Variants in FGF12 observed in about 807,000 individuals in gnomAD.
FGF12 encodes fibroblast growth factor 12, also known as fibroblast growth factor 12B.
A neutral mutation model predicts 23.6 loss-of-function variants in FGF12; 14 were observed. The observed-to-expected ratio is 0.59, with a 90% CI of 0.39 to 0.93. The LOEUF (loss-of-function observed/expected upper bound fraction) is 0.93. Ranked by LOEUF, FGF12 falls within the 40% of genes least tolerant of loss-of-function variation. The probability of loss-of-function intolerance (pLI) is 0.00; values close to 1 mark genes in which losing one functional copy is unlikely to be tolerated. For missense variants in FGF12, 175 were observed against 217.8 expected (o/e 0.80, Z 1.24); for synonymous variants, 62 against 77.3 (o/e 0.80, Z 1.04).
intron 2 of FGF12, among the ~76,000 whole-genome samples, chr3:192,500,344 A>C (rs1036483814): frequency 2.0e-5 from 3 of 152,216 alleles, no homozygotes; most frequent in African/African-American, 7.2e-5. Flanking sequence ...ACAAGAGTGC[A>C]CCTATTTACA....
At chr3:192,387,151 G>A (rs1277483055) in intron 2 of FGF12, among the ~76,000 whole-genome samples, 5 of 152,154 alleles carry the variant, frequency 3.3e-5, no homozygotes, top group South Asian at 2.1e-4. Context: ...ATCAGATCCC[G>A]TTACTATCAG....
At chr3:192,600,837 A>G (rs1188269157) in intron 2 of FGF12, among the ~76,000 whole-genome samples, 2 of 152,110 alleles carry the variant, frequency 1.3e-5, no homozygotes, top group Non-Finnish European at 2.9e-5. Context: ...TTACTCTTAT[A>G]TGCTGTTGAT....
At chr3:192,377,190 C>T (rs1719555499) in intron 2 of FGF12, among the ~76,000 whole-genome samples, 2 of 152,118 alleles carry the variant, frequency 1.3e-5, no homozygotes, top group Admixed American at 1.3e-4. Flanking sequence ...TCTAGATCAC[C>T]ATCTCTCAGA....
chr3:192,300,607 T>C (rs1201300184), intron 4 of FGF12, among the ~76,000 whole-genome samples: 13 of 151,620 alleles, frequency 8.6e-5, no homozygotes, highest in African/African-American at 2.9e-4. Flanking sequence ...AATAATTCAT[T>C]TTCTTTATAA....
rs1025213817 is a variant in FGF12, at chr3:192,633,489, C to T, written c.13+93692G>A. Among the ~76,000 whole-genome samples the T allele has an allele frequency of 3.9e-5, 6 of 152,166 alleles. No homozygotes were observed. The East Asian group carries it at 1.2e-3, about 29-fold the overall frequency. On this transcript the variant is annotated intron_variant, in intron 2 of 5. Transcript: ENST00000445105. Reference sequence around the variant, plus strand: ...TTTGGGAAAACACGATTCATCACTACGGAAGAGTTAAAAGATTCCCCCAAA... The same window carrying T: ...TTTGGGAAAACACGATTCATCACTATGGAAGAGTTAAAAGATTCCCCCAAA...
At chr3:192,585,228 C>A (rs1407331468) in intron 2 of FGF12, among the ~76,000 whole-genome samples, 1 of 152,196 alleles carries the variant, frequency 6.6e-6, no homozygotes, top group East Asian at 1.9e-4. Context: ...GGACACTGTG[C>A]TTCCTGCCTG....
Position 192,378,026 on chromosome 3 carries a change from T to TTTCTCTCTCTTTC in FGF12, c.14-17489_14-17488insGAAAGAGAGAGAA, listed in dbSNP as rs1553804997. On this transcript the variant is annotated intron_variant, in intron 2 of 5. Transcript: ENST00000445105. ...GAGATCCCTTTCTTCTGACTCTTTC[T>TTTCTCTCTCTTTC]TTTCTTTCTTTCTTTCTTTCTTTCT... is the stretch of plus-strand genomic sequence containing the variant. 6.2e-4 allele frequency among the ~76,000 whole-genome samples: 43 copies of TTTCTCTCTCTTTC among 69,444 alleles called. 4 individuals carry two copies. The highest frequency in any genetic ancestry group is 1.3e-3 in the African/African-American group (17 of 13,550). 45.6% of individuals were successfully genotyped at this position (69,444 alleles called of 152,430 possible).
chr3:192,174,558 T>C (rs921494107), intron 4 of FGF12, among the ~76,000 whole-genome samples: 1 of 152,168 alleles, frequency 6.6e-6, no homozygotes, highest in African/African-American at 2.4e-5. Context: ...CAGGCTACCC[T>C]ATAAACTGGA....
chr3:192,185,470 T>C (rs548570036), intron 4 of FGF12, among the ~76,000 whole-genome samples: 1 of 152,336 alleles, frequency 6.6e-6, no homozygotes, highest in Admixed American at 6.5e-5. Context: ...CAGTAGACTT[T>C]CTACAAATCA....
intron 2 of FGF12, among the ~76,000 whole-genome samples, chr3:192,714,026 G>A (rs565450830): frequency 9.8e-5 from 15 of 152,304 alleles, no homozygotes; most frequent in Admixed American, 9.1e-4. Flanking sequence ...TTTCGTACCA[G>A]AGCAGTTCTG....
chr3:192,560,733 A>G (rs1018729936), intron 2 of FGF12, among the ~76,000 whole-genome samples: 2 of 152,174 alleles, frequency 1.3e-5, no homozygotes, highest in South Asian at 2.1e-4. Flanking sequence ...CTGCTGAACT[A>G]TATATTAAAT....
At chr3:192,208,210 T>C (rs1560192770) in intron 4 of FGF12, among the ~76,000 whole-genome samples, 2 of 152,244 alleles carry the variant, frequency 1.3e-5, no homozygotes, top group African/African-American at 4.8e-5. Flanking sequence ...AAAAGGAAAT[T>C]TGATTTATAA....
At chr3:192,403,662 A>C (rs907955811) in intron 2 of FGF12, among the ~76,000 whole-genome samples, 5 of 152,132 alleles carry the variant, frequency 3.3e-5, no homozygotes, top group Admixed American at 1.3e-4. Flanking sequence ...CTTCCTATAA[A>C]TGTAAAATAT....
chr3:192,645,093 C>T (rs1715952964), intron 2 of FGF12, among the ~76,000 whole-genome samples: 1 of 152,124 alleles, frequency 6.6e-6, no homozygotes, highest in South Asian at 2.1e-4. Context: ...TGGAACATGG[C>T]TCCTGCTGAA....
At chr3:192,625,088 A>ACTTAGGTTGTGTCTAATCTTTTG (rs1715114208) in intron 2 of FGF12, among the ~76,000 whole-genome samples, 1 of 152,072 alleles carries the variant, frequency 6.6e-6, no homozygotes, top group Admixed American at 6.6e-5. Context: ...TTTAGTTAGT[A>ACTTAGGTTGTGTCTAATCTTTTG]CTTAGGTTGT....
intron 2 of FGF12, among the ~76,000 whole-genome samples, chr3:192,693,019 T>G (rs1717996431): frequency 6.6e-6 from 1 of 152,046 alleles, no homozygotes; most frequent in East Asian, 1.9e-4. Flanking sequence ...CTATCCTATT[T>G]GCAGGTGACA....
intron 2 of FGF12, among the ~76,000 whole-genome samples, chr3:192,618,247 T>TAAA (rs78960252): frequency 8.0e-6 from 1 of 125,490 alleles, no homozygotes. Flanking sequence ...CATGGGGAAC[T>TAAA]AAAAAAAAAA....
intron 2 of FGF12, among the ~76,000 whole-genome samples, chr3:192,685,251 C>G (rs1030127794): frequency 1.3e-5 from 2 of 152,088 alleles, no homozygotes; most frequent in African/African-American, 2.4e-5. Context: ...TGGGGTTTCA[C>G]CGTGTTAGTC....
At chr3:192,231,878 C>T (rs1482601030) in intron 4 of FGF12, among the ~76,000 whole-genome samples, 1 of 152,086 alleles carries the variant, frequency 6.6e-6, no homozygotes, top group Non-Finnish European at 1.5e-5. Flanking sequence ...TCAGCTCATA[C>T]CATGTGAATT....
Sources: allele counts gnomAD v4.1 joint callset (sites outside exome capture counted in the v4.1 genomes callset), GRCh38; gene constraint gnomAD v4.1.1; transcripts MANE v1.5; gene names NCBI Gene and HGNC (gene_info 2026-07-23, HGNC 2026-07-21).